PER2: variants seen among roughly 807,000 people sequenced by gnomAD.
PER2 encodes period circadian regulator 2.
Under a neutral mutation model 121.0 loss-of-function variants are expected in PER2, and 66 were observed. The ratio of observed to expected loss-of-function variants is 0.55; its 90% confidence interval spans 0.45 to 0.67. The LOEUF (loss-of-function observed/expected upper bound fraction) is 0.67, where lower values mean the gene tolerates loss of function less well. PER2 is among the 30% of genes least tolerant of loss of function. PER2 has a pLI of 0.00. For missense variants in PER2, 1,521 were observed against 1,635.0 expected, an observed-to-expected ratio of 0.93 and a Z score of 1.20; for synonymous variants, 684 against 659.9, an observed-to-expected ratio of 1.04 and a Z score of -0.56.
intron 6 of PER2, among the ~76,000 whole-genome samples, chr2:238,269,347 C>T (rs1696212569): frequency 6.8e-6 from 1 of 147,668 alleles, no homozygotes; most frequent in Admixed American, 6.8e-5. Flanking sequence ...TCACGGTGCA[C>T]TGCTGCAAAC....
intron 12 of PER2, among the ~76,000 whole-genome samples, 188 bp from the exon 13 acceptor site, chr2:238,261,141 C>T (rs2119022): frequency 0.011 from 1,603 of 152,342 alleles, 20 homozygotes; most frequent in Non-Finnish European, 0.016. Flanking sequence ...CCTCCAGCCG[C>T]GGTGCCCCGA....
intron 17 of PER2, 120 bp from the exon 18 acceptor site, chr2:238,256,031 G>T: frequency 8.0e-7 from 1 of 1,246,538 alleles, no homozygotes; most frequent in Non-Finnish European, 1.2e-6. Flanking sequence ...GATGCCTGTG[G>T]CATGAGGATG....
At chr2:238,275,937 C>G (rs766818346) in intron 3 of PER2, 40 bp from the exon 4 acceptor site, 11 of 1,611,826 alleles carry the variant, frequency 6.8e-6, no homozygotes, top group Non-Finnish European at 9.3e-6. Context: ...TGTTAGCTTC[C>G]TAGGTGTCCT....
At chr2:238,290,943 T>A (rs1412408287), upstream of PER2, among the ~76,000 whole-genome samples, 1 of 152,192 alleles carries the variant, frequency 6.6e-6, no homozygotes, top group African/African-American at 2.4e-5. Flanking sequence ...AGTGCATGGA[T>A]GCCATTCTTG....
chr2:238,267,929 G>A (rs1696158334), intron 8 of PER2, 127 bp downstream of exon 8: 2 of 1,015,152 alleles, frequency 2.0e-6, no homozygotes, highest in Admixed American at 1.9e-5. Flanking sequence ...CCCAAGGTGA[G>A]GTGGAGAGGC....
At chr2:238,273,293 A>G (rs2106319979) in intron 4 of PER2, 102 bp from the exon 5 acceptor site, 1 of 1,246,338 alleles carries the variant, frequency 8.0e-7, no homozygotes, top group East Asian at 2.5e-5. Context: ...CTCAAATGAA[A>G]AGGTAGGATA....
Position 238,255,210 on chromosome 2 carries a change from T to C in PER2, c.2320+447A>G, listed in dbSNP as rs1020037448. On this transcript the variant is annotated intron_variant, in intron 18 of 22. Transcript: ENST00000254657. ...GGAGTCCAAAGCCCAGCCCTGAGGC[T>C]GGCCCAGTCAGGAGGGTGCATCTCC... 17 of 269,924 alleles carry C rather than the reference T, an allele frequency of 6.3e-5. No homozygotes were observed. The East Asian group carries it at 1.5e-3, about 24-fold the overall frequency. 16.7% of individuals were successfully genotyped at this position (269,924 alleles called of 1,614,324 possible). A position where few individuals can be genotyped will look rare whatever the true frequency, so the allele number is the denominator to read the frequency against.
intron 21 of PER2, among the ~76,000 whole-genome samples, chr2:238,250,294 G>A (rs1385870756): frequency 1.3e-5 from 2 of 152,276 alleles, no homozygotes; most frequent in African/African-American, 2.4e-5. Flanking sequence ...GGCACCAGGA[G>A]CCTGTCTTCC....
At chr2:238,297,463 C>T in the PER2 span, among the ~76,000 whole-genome samples, 4 of 152,126 alleles carry the variant, frequency 2.6e-5, no homozygotes, top group African/African-American at 9.7e-5. Context: ...AGTGAAGACA[C>T]GATTGAAATG....
At chr2:238,281,894 G>A (rs1696642174) in intron 1 of PER2, among the ~76,000 whole-genome samples, 1 of 152,162 alleles carries the variant, frequency 6.6e-6, no homozygotes, top group Non-Finnish European at 1.5e-5. Flanking sequence ...TCAGAGATGT[G>A]TGAGCACTGA....
chr2:238,257,540 C>G (rs1340590828), intron 16 of PER2, among the ~76,000 whole-genome samples: 1 of 152,230 alleles, frequency 6.6e-6, no homozygotes. Context: ...GTGATGCAAT[C>G]TTGGCTCACT....
rs1553601857 is a variant in PER2, at chr2:238,245,042, T to TTA, written c.*1332_*1333insTA. Reference sequence around the variant, plus strand: ...AGCCTGGGCAAAAAGAAACTCCATCTAAAAAAAAAAAAAAAAAAAAAAAAA... The same window carrying TTA: ...AGCCTGGGCAAAAAGAAACTCCATCTTAAAAAAAAAAAAAAAAAAAAAAAAAA... On this transcript the variant is annotated 3_prime_UTR_variant, in exon 23 of 23. Coordinates refer to ENST00000254657, the MANE Select transcript of PER2 (RefSeq NM_022817.3). The TTA allele has an allele frequency of 4.9e-5, 2 of 40,962 alleles. No individual in the cohort carries two copies. The highest frequency in any genetic ancestry group is 8.7e-5 in the Non-Finnish European group (2 of 23,104). 2.5% of individuals were successfully genotyped at this position (40,962 alleles called of 1,614,324 possible).
intron 8 of PER2, 80 bp from the exon 9 acceptor site, chr2:238,265,670 C>T: frequency 1.1e-6 from 1 of 887,722 alleles, no homozygotes; most frequent in Non-Finnish European, 1.9e-6. Flanking sequence ...CCAGAAAACA[C>T]CCTGTAGATT....
At chr2:238,282,140 G>A (rs1445030048) in intron 1 of PER2, among the ~76,000 whole-genome samples, 1 of 152,228 alleles carries the variant, frequency 6.6e-6, no homozygotes, top group Non-Finnish European at 1.5e-5. Context: ...GGCTCTGCAA[G>A]TCTAGCTCCT....
At chr2:238,267,148 G>C (rs978236740) in intron 8 of PER2, among the ~76,000 whole-genome samples, 1 of 151,734 alleles carries the variant, frequency 6.6e-6, no homozygotes, top group Non-Finnish European at 1.5e-5. Flanking sequence ...AGCAGTTGCA[G>C]AATGCACCTG....
Position 238,263,952 on chromosome 2 carries a change from G to A in PER2, c.1047-894C>T, listed in dbSNP as rs145959150. 8.5e-4 allele frequency among the ~76,000 whole-genome samples: 129 copies of A among 151,552 alleles called. No homozygotes were observed. The Middle Eastern group carries it at 0.01, about 12-fold the overall frequency. ...GGAGGAAGAAGAGGAAGGAAGAGGA[G>A]AGGAGTGGGGGAACAGGAAGGAAAA... On this transcript the variant is annotated intron_variant, in intron 9 of 22. Coordinates refer to ENST00000254657, the MANE Select transcript of PER2 (RefSeq NM_022817.3).
upstream of PER2, among the ~76,000 whole-genome samples, chr2:238,291,427 A>G (rs1193770485): frequency 6.6e-6 from 1 of 152,222 alleles, no homozygotes; most frequent in Non-Finnish European, 1.5e-5. Flanking sequence ...CTGAGCAACT[A>G]CTATGTACCA....
chr2:238,263,955 G>A (rs1453486277), intron 9 of PER2, among the ~76,000 whole-genome samples: 2 of 151,380 alleles, frequency 1.3e-5, no homozygotes, highest in African/African-American at 4.8e-5. Context: ...AAGAGGAGAG[G>A]AGTGGGGGAA....
intron 1 of PER2, among the ~76,000 whole-genome samples, chr2:238,284,441 CAAAA>C (rs199867354): frequency 2.4e-5 from 2 of 83,112 alleles, no homozygotes; most frequent in Non-Finnish European, 2.5e-5. Flanking sequence ...GACTCTATCT[CAAAA>C]AAAAAAAAAA....
Sources: allele counts gnomAD v4.1 joint callset (sites outside exome capture counted in the v4.1 genomes callset), GRCh38; gene constraint gnomAD v4.1.1; transcripts MANE v1.5; gene names NCBI Gene and HGNC (gene_info 2026-07-23, HGNC 2026-07-21).